The following THSD4 variants were observed in gnomAD, a reference collection of about 807,000 sequenced individuals.
The protein encoded by THSD4 is thrombospondin type 1 domain containing 4, also known as thrombospondin type-1 domain-containing protein 4.
In THSD4, 69 loss-of-function variants were observed where a neutral mutation model predicts 119.0. That is an observed-to-expected ratio of 0.58 (90% confidence interval 0.48 to 0.71). THSD4 has a LOEUF of 0.71. THSD4 is among the 30% of genes least tolerant of loss of function. The pLI is 0.00. For missense variants in THSD4, 1,393 were observed against 1,391.1 expected, an observed-to-expected ratio of 1.00 and a Z score of -0.02; for synonymous variants, 524 against 540.4, an observed-to-expected ratio of 0.97 and a Z score of 0.42.
chr15:71,438,252 T>G (rs2047042278), intron 7 of THSD4, among the ~76,000 whole-genome samples: 1 of 152,232 alleles, frequency 6.6e-6, no homozygotes, highest in Non-Finnish European at 1.5e-5. Flanking sequence ...GTAGGAGCTT[T>G]TTATGCATTA....
At chr15:71,195,671 G>A (rs2043713250) in intron 3 of THSD4, among the ~76,000 whole-genome samples, 1 of 152,236 alleles carries the variant, frequency 6.6e-6, no homozygotes, top group South Asian at 2.1e-4. Flanking sequence ...GAAGCCCTTC[G>A]AGCTAAGGGG....
chr15:71,716,581 T>TGTGTGTGTGTGTGTGTGTGTGTGTG (rs1567116002), intron 8 of THSD4, among the ~76,000 whole-genome samples: 2 of 43,336 alleles, frequency 4.6e-5, no homozygotes, highest in Non-Finnish European at 1.1e-4. Flanking sequence ...TGTGTGTGTG[T>TGTGTGTGTGTGTGTGTGTGTGTGTG]TGGTTTTTGT....
At chr15:71,380,140 G>C (rs548038876) in intron 6 of THSD4, among the ~76,000 whole-genome samples, 1 of 152,242 alleles carries the variant, frequency 6.6e-6, no homozygotes, top group Non-Finnish European at 1.5e-5. Flanking sequence ...TACGTACTAA[G>C]TTGGTTGCAG....
At chr15:71,586,205 G>C (rs1312688355) in intron 7 of THSD4, among the ~76,000 whole-genome samples, 1 of 152,038 alleles carries the variant, frequency 6.6e-6, no homozygotes, top group African/African-American at 2.4e-5. Flanking sequence ...ATCTGGTTCT[G>C]GCAGATAAAG....
chr15:71,395,145 G>A (rs16955551), intron 6 of THSD4, among the ~76,000 whole-genome samples: 2,277 of 152,308 alleles, frequency 0.015, 73 homozygotes, highest in African/African-American at 0.052. Context: ...CTTAGGAGTC[G>A]GATGCGGATA....
intron 6 of THSD4, among the ~76,000 whole-genome samples, chr15:71,394,401 T>TCTCG (rs2140473966): frequency 6.6e-6 from 1 of 151,638 alleles, no homozygotes; most frequent in East Asian, 2.0e-4. Flanking sequence ...GCCTCCTGAG[T>TCTCG]AGCTGGGACT....
intron 7 of THSD4, among the ~76,000 whole-genome samples, chr15:71,449,907 T>G (rs1002971387): frequency 1.3e-5 from 2 of 152,182 alleles, no homozygotes; most frequent in African/African-American, 4.8e-5. Context: ...ATGATAGAAT[T>G]TGTAGACAGG....
At chr15:71,771,829 GC>G (rs2053828400) in intron 17 of THSD4, among the ~76,000 whole-genome samples, 1 of 152,208 alleles carries the variant, frequency 6.6e-6, no homozygotes, top group Non-Finnish European at 1.5e-5. Context: ...CTGGAGGAAA[GC>G]ATTGGAGAGT....
intron 8 of THSD4, among the ~76,000 whole-genome samples, chr15:71,680,156 G>C (rs2141028597): frequency 6.6e-6 from 1 of 152,290 alleles, no homozygotes; most frequent in Admixed American, 6.5e-5. Context: ...AAAGAGGGGA[G>C]TGGTTGCATT....
chr15:71,624,306 CA>C (rs1287729130), intron 7 of THSD4, among the ~76,000 whole-genome samples: 2 of 152,220 alleles, frequency 1.3e-5, no homozygotes, highest in African/African-American at 4.8e-5. Flanking sequence ...TCTCCAGCCT[CA>C]GTCCTGAAAG....
chr15:71,570,130 C>T (rs2140897865), intron 7 of THSD4, among the ~76,000 whole-genome samples: 1 of 152,248 alleles, frequency 6.6e-6, no homozygotes, highest in Non-Finnish European at 1.5e-5. Flanking sequence ...CAATTAATAA[C>T]ACCTAACATC....
In THSD4 at chr15:71,154,911, G is replaced by T; in HGVS notation, c.78G>T (p.Gln26His). The T allele has an allele frequency of 1.2e-6, 2 of 1,614,140 alleles. No individual in the cohort carries two copies. The highest frequency in any genetic ancestry group is 1.7e-6 in the Non-Finnish European group (2 of 1,180,050). Reference sequence around the variant, plus strand: ...TTGGATTCCAGTTCGTCTGCCCACAGCCCTCCACTCAACACAGGAAGGTAA... The same window carrying T: ...TTGGATTCCAGTTCGTCTGCCCACATCCCTCCACTCAACACAGGAAGGTAA... Reference protein sequence around the residue: ...LLLGFQFVCPQPSTQHRKVPQ... With the variant: ...LLLGFQFVCPHPSTQHRKVPQ... The change falls in exon 3 of 18, where the codon CAG (glutamine) becomes CAT (histidine). Residue 26 changes from glutamine (Q) to histidine (H), a missense_variant. Coordinates refer to ENST00000261862, the MANE Select transcript of THSD4 (RefSeq NM_024817.3).
At chr15:71,566,710 T>C (rs1405016919) in intron 7 of THSD4, among the ~76,000 whole-genome samples, 2 of 151,886 alleles carry the variant, frequency 1.3e-5, no homozygotes, top group Admixed American at 6.6e-5. Context: ...CCCTGGTTTA[T>C]AAATTGGCCT....
intron 14 of THSD4, among the ~76,000 whole-genome samples, chr15:71,754,780 G>A (rs1389332758): frequency 6.6e-6 from 1 of 151,898 alleles, no homozygotes; most frequent in Admixed American, 6.6e-5. Flanking sequence ...TTTTTGTAGT[G>A]GCATGGGGGG....
rs146558503 is a variant in THSD4, at chr15:71,510,554, A to T, written c.1152+98731A>T. 1.1e-4 allele frequency among the ~76,000 whole-genome samples: 17 copies of T among 152,322 alleles called. No homozygotes were observed. The East Asian group carries it at 2.5e-3, about 22-fold the overall frequency. On this transcript the variant is annotated intron_variant, in intron 7 of 17. Coordinates refer to ENST00000261862, the MANE Select transcript of THSD4 (RefSeq NM_024817.3). Reference sequence around the variant, plus strand: ...TGATCAGGGAGGTCCTTGCTTGGTTAGGACGTCTACAGAGTGACCTGAATA... The same window carrying T: ...TGATCAGGGAGGTCCTTGCTTGGTTTGGACGTCTACAGAGTGACCTGAATA...
In THSD4 at chr15:71,660,746, C is replaced by G. The variant is rs1474678075; in HGVS notation, c.1357+12C>G. The G allele has an allele frequency of 2.0e-5, 33 of 1,613,758 alleles. No homozygotes were observed. Among genetic ancestry groups the G allele is most frequent in the Non-Finnish European group, 2.6e-5 (31 of 1,179,942 alleles). On this transcript the variant is annotated intron_variant, in intron 8 of 17. Transcript: ENST00000261862. ...CAACAACTATTTGGGTAAGCTTGGT[C>G]TTTTTCCAGAGAAAACCGTCTGTCC... is the stretch of plus-strand genomic sequence containing the variant.
intron 6 of THSD4, among the ~76,000 whole-genome samples, chr15:71,274,404 T>G (rs1265489590): frequency 8.5e-6 from 1 of 117,716 alleles, no homozygotes. Flanking sequence ...GTAGATCCCC[T>G]CTGATCCCAA....
At chr15:71,739,707 G>A (rs776242258) in intron 11 of THSD4, among the ~76,000 whole-genome samples, 1 of 152,024 alleles carries the variant, frequency 6.6e-6, no homozygotes, top group Non-Finnish European at 1.5e-5. Context: ...TCTTCTTTGA[G>A]GGGAGGTTGC....
intron 7 of THSD4, among the ~76,000 whole-genome samples, chr15:71,583,825 T>C (rs1342816645): frequency 1.3e-5 from 2 of 152,220 alleles, no homozygotes; most frequent in Non-Finnish European, 2.9e-5. Context: ...GGGCATAATA[T>C]ATGTTCTATC....
Sources: allele counts gnomAD v4.1 joint callset (sites outside exome capture counted in the v4.1 genomes callset), GRCh38; gene constraint gnomAD v4.1.1; transcripts MANE v1.5; gene names NCBI Gene and HGNC (gene_info 2026-07-23, HGNC 2026-07-21).